Variants in JAZF1 observed in about 807,000 individuals in gnomAD.
The protein encoded by JAZF1 is JAZF zinc finger 1, also known as juxtaposed with another zinc finger protein 1.
Under a neutral mutation model 26.4 loss-of-function variants are expected in JAZF1, and 8 were observed. That is an observed-to-expected ratio of 0.30 (90% CI 0.18 to 0.55). The LOEUF is 0.55. Ranked by LOEUF, JAZF1 falls within the 20% of genes least tolerant of loss-of-function variation. The pLI, the probability that JAZF1 is intolerant of heterozygous loss-of-function variation, is 0.94. For missense variants in JAZF1, 199 were observed against 322.0 expected (o/e 0.62, Z 2.92); for synonymous variants, 126 against 122.3 (o/e 1.03, Z -0.20).
chr7:27,897,096 T>C lies in JAZF1; in HGVS notation c.189-1680A>G, dbSNP rs534985912. The stretch of plus-strand genomic sequence containing the variant: ...AGAACTAGTGCTTTTTTTTTTATTA[T>C]CCTAAGAAGAACTGCTAACTATCAT... On this transcript the variant is annotated intron_variant, in intron 2 of 4. Coordinates refer to ENST00000283928, the MANE Select transcript of JAZF1 (RefSeq NM_175061.4). Among the ~76,000 whole-genome samples, 19 of 152,084 alleles carry C rather than the reference T, an allele frequency of 1.2e-4. No homozygotes were observed. In the East Asian group the frequency reaches 3.5e-3, roughly 28 times the overall value.
At chr7:27,982,709 C>A (rs897857249) in intron 2 of JAZF1, among the ~76,000 whole-genome samples, 1 of 152,130 alleles carries the variant, frequency 6.6e-6, no homozygotes, top group African/African-American at 2.4e-5. Flanking sequence ...CCAGTAGGGG[C>A]CAAGTGACAC....
At chr7:28,093,014 A>G (rs1235695456) in intron 1 of JAZF1, among the ~76,000 whole-genome samples, 1 of 152,228 alleles carries the variant, frequency 6.6e-6, no homozygotes, top group Non-Finnish European at 1.5e-5. Flanking sequence ...TCTAGTTGCC[A>G]TGTGCACTGG....
At chr7:27,935,470 A>G (rs1784751896) in intron 2 of JAZF1, among the ~76,000 whole-genome samples, 1 of 152,216 alleles carries the variant, frequency 6.6e-6, no homozygotes, top group Non-Finnish European at 1.5e-5. Context: ...ATATGATTCC[A>G]CGTGTATGAA....
At chr7:27,938,578 G>A (rs995193688) in intron 2 of JAZF1, among the ~76,000 whole-genome samples, 1 of 152,206 alleles carries the variant, frequency 6.6e-6, no homozygotes, top group Non-Finnish European at 1.5e-5. Context: ...ATACAGTTGT[G>A]AGGATTGAAT....
At chr7:28,056,237 A>G (rs1783705720) in intron 1 of JAZF1, among the ~76,000 whole-genome samples, 1 of 152,086 alleles carries the variant, frequency 6.6e-6, no homozygotes, top group African/African-American at 2.4e-5. Context: ...CTAAAGCATA[A>G]ATGAGCACTA....
At chr7:28,043,970 G>A (rs1429492522) in intron 1 of JAZF1, among the ~76,000 whole-genome samples, 1 of 152,154 alleles carries the variant, frequency 6.6e-6, no homozygotes, top group Non-Finnish European at 1.5e-5. Context: ...CCGGTTACCA[G>A]GAGCAAGGGG....
At chr7:27,854,055 T>C (rs534830800) in intron 3 of JAZF1, among the ~76,000 whole-genome samples, 2,501 of 93,438 alleles carry the variant, frequency 0.027, 43 homozygotes, top group Non-Finnish European at 0.045. Context: ...TGCATGCTCC[T>C]GTTTTGGGTG....
chr7:28,044,619 GA>G (rs775553218), intron 1 of JAZF1, among the ~76,000 whole-genome samples: 9 of 150,610 alleles, frequency 6.0e-5, no homozygotes, highest in Middle Eastern at 3.4e-3. Context: ...TTCTTCTAAG[GA>G]AAAAAAAATC....
At chr7:27,886,369 T>G (rs940708670) in intron 3 of JAZF1, among the ~76,000 whole-genome samples, 1 of 152,188 alleles carries the variant, frequency 6.6e-6, no homozygotes, top group Non-Finnish European at 1.5e-5. Flanking sequence ...ACTCTAGATT[T>G]GCATACCACC....
chr7:28,115,395 A>G (rs1784726283), intron 1 of JAZF1, among the ~76,000 whole-genome samples: 1 of 152,234 alleles, frequency 6.6e-6, no homozygotes, highest in South Asian at 2.1e-4. Flanking sequence ...GGCACAGTGC[A>G]GCACATCTCA....
chr7:27,862,259 A>C (rs1783396931), intron 3 of JAZF1, among the ~76,000 whole-genome samples: 1 of 152,174 alleles, frequency 6.6e-6, no homozygotes, highest in South Asian at 2.1e-4. Context: ...GCAGGTTTGT[A>C]TATTGTGTGA....
At chr7:28,179,270 G>C (rs1488821462) in intron 1 of JAZF1, among the ~76,000 whole-genome samples, 1 of 152,226 alleles carries the variant, frequency 6.6e-6, no homozygotes. Flanking sequence ...TGGTTGGACC[G>C]CCTAAGCCAG....
At chr7:28,000,839 G>A (rs1208203421) in intron 1 of JAZF1, among the ~76,000 whole-genome samples, 2 of 151,866 alleles carry the variant, frequency 1.3e-5, no homozygotes, top group East Asian at 2.0e-4. Flanking sequence ...GAGTGTTCTC[G>A]AACTCCTGGG....
intron 2 of JAZF1, among the ~76,000 whole-genome samples, chr7:27,990,068 A>C (rs1785866444): frequency 1.3e-5 from 2 of 152,370 alleles, no homozygotes; most frequent in South Asian, 4.1e-4. Context: ...GATTAAGAAA[A>C]TGTGGCACAT....
intron 1 of JAZF1, among the ~76,000 whole-genome samples, chr7:28,036,321 C>T (rs1183564238): frequency 1.3e-5 from 2 of 152,194 alleles, no homozygotes; most frequent in Non-Finnish European, 2.9e-5. Context: ...GACATAGTAA[C>T]AAACTAAAAC....
chr7:27,934,113 G>A (rs1354206109), intron 2 of JAZF1, among the ~76,000 whole-genome samples: 1 of 152,296 alleles, frequency 6.6e-6, no homozygotes, highest in Middle Eastern at 3.4e-3. Context: ...TCTTACAGTT[G>A]AGCAACCAGT....
chr7:27,836,911 CTG>C (rs1281605684), intron 4 of JAZF1, among the ~76,000 whole-genome samples: 1 of 152,186 alleles, frequency 6.6e-6, no homozygotes, highest in Non-Finnish European at 1.5e-5. Flanking sequence ...GACACTATCA[CTG>C]TTAATATTTG....
chr7:28,139,358 C>T (rs1782930259), intron 1 of JAZF1, among the ~76,000 whole-genome samples: 1 of 152,210 alleles, frequency 6.6e-6, no homozygotes, highest in Non-Finnish European at 1.5e-5. Context: ...ACCCCTGGTA[C>T]ATCAAAATGT....
At chr7:27,958,781 C>A (rs948187048) in intron 2 of JAZF1, among the ~76,000 whole-genome samples, 1 of 152,186 alleles carries the variant, frequency 6.6e-6, no homozygotes, top group African/African-American at 2.4e-5. Flanking sequence ...GTACCACATC[C>A]ACCCTAGCAT....
Sources: allele counts gnomAD v4.1 joint callset (sites outside exome capture counted in the v4.1 genomes callset), GRCh38; gene constraint gnomAD v4.1.1; transcripts MANE v1.5; gene names NCBI Gene and HGNC (gene_info 2026-07-23, HGNC 2026-07-21).